Variants in SMG9 observed in about 807,000 individuals in gnomAD.
SMG9 encodes the protein SMG9 nonsense mediated mRNA decay factor.
A neutral mutation model predicts 64.0 loss-of-function variants in SMG9; 55 were observed. That is an observed-to-expected ratio of 0.86 (90% CI 0.69 to 1.08). SMG9 has a LOEUF of 1.08. SMG9 is among the 50% of genes least tolerant of loss of function. The probability of loss-of-function intolerance (pLI) is 0.00; values close to 1 mark genes in which losing one functional copy is unlikely to be tolerated. For missense variants in SMG9, 554 were observed against 681.3 expected (o/e 0.81, Z 2.08); for synonymous variants, 244 against 254.8 (o/e 0.96, Z 0.41).
chr19:43,740,063 T>A, intron 7 of SMG9, 44 bp downstream of exon 7: 1 of 1,285,452 alleles, frequency 7.8e-7, no homozygotes, highest in Non-Finnish European at 1.1e-6. Context: ...AGAGGCTCAA[T>A]GCAGGATGTG....
rs1968374075 is a variant in SMG9, at chr19:43,728,572, A to C, written c.*3024T>G. 1 of 152,092 alleles carries C rather than the reference A, an allele frequency of 6.6e-6. No individual in the cohort carries two copies. The highest frequency in any genetic ancestry group is 1.5e-5 in the Non-Finnish European group (1 of 67,990). The allele number at this position is 152,092 out of a possible 1,614,324, so 9.4% of individuals were successfully genotyped here. On this transcript the variant is annotated 3_prime_UTR_variant, in exon 14 of 14. Coordinates refer to ENST00000270066, the MANE Select transcript of SMG9 (RefSeq NM_019108.4). The stretch of plus-strand genomic sequence containing the variant: ...TATGAACTCAATTAATCACCACAAC[A>C]CCCCTAGGAGGTAGGTACAATCATC...
At chr19:43,737,061 G>A (rs1968693482) in intron 9 of SMG9, among the ~76,000 whole-genome samples, 1 of 152,146 alleles carries the variant, frequency 6.6e-6, no homozygotes, top group Non-Finnish European at 1.5e-5. Context: ...ATCACCTGAG[G>A]TCAGGAGTTC....
chr19:43,731,782 A>C, intron 13 of SMG9, 108 bp from the exon 14 acceptor site: 5 of 1,327,352 alleles, frequency 3.8e-6, no homozygotes, highest in Non-Finnish European at 5.3e-6. Context: ...CTGAGATGTG[A>C]CTCTGAGCCT....
At chr19:43,745,002 A>C in intron 5 of SMG9, 118 bp from the exon 6 acceptor site, 1 of 635,738 alleles carries the variant, frequency 1.6e-6, no homozygotes, top group Non-Finnish European at 2.8e-6. Flanking sequence ...ATGAAGAGAA[A>C]CTCCTATAGT....
rs1969304952 is a variant in SMG9, at chr19:43,754,793, T to C, written c.-146A>G. 6.6e-6 allele frequency: 1 copy of C among 151,342 alleles called. No individual in the cohort carries two copies. The highest frequency in any genetic ancestry group is 2.4e-5 in the African/African-American group (1 of 41,088). The allele number at this position is 151,342 out of a possible 1,614,324, so 9.4% of individuals were successfully genotyped here. A position where few individuals can be genotyped will look rare whatever the true frequency, so the allele number is the denominator to read the frequency against. On this transcript the variant is annotated 5_prime_UTR_variant, in exon 1 of 14. Coordinates refer to ENST00000270066, the MANE Select transcript of SMG9 (RefSeq NM_019108.4). ...CCAGGAACGTGGGAAGGAGAGAAAA[T>C]GGGCACTCCCCACTCCGAAACCGGC...
At chr19:43,753,349 T>C (rs972188936) in intron 1 of SMG9, among the ~76,000 whole-genome samples, 1 of 152,216 alleles carries the variant, frequency 6.6e-6, no homozygotes, top group African/African-American at 2.4e-5. Flanking sequence ...GCTTAAGTAC[T>C]TGTCTTCATG....
At chr19:43,752,441 T>G (rs1468998222) in intron 1 of SMG9, among the ~76,000 whole-genome samples, 1 of 152,274 alleles carries the variant, frequency 6.6e-6, no homozygotes, top group African/African-American at 2.4e-5. Context: ...GGGCCAAATC[T>G]GGTCTGCTTT....
chr19:43,752,076 C>T (rs561954823), intron 1 of SMG9, among the ~76,000 whole-genome samples: 2 of 152,312 alleles, frequency 1.3e-5, no homozygotes, highest in South Asian at 4.1e-4. Flanking sequence ...GGGGCTCCAG[C>T]CACTTACTAG....
intron 9 of SMG9, 29 bp downstream of exon 9, chr19:43,737,568 C>T (rs1327166849): frequency 6.3e-7 from 1 of 1,597,760 alleles, no homozygotes; most frequent in East Asian, 2.2e-5. Flanking sequence ...CATTCCTCCT[C>T]CCCACCCTCC....
chr19:43,748,674 AC>A (rs1568381762), intron 2 of SMG9: 1 of 520,054 alleles, frequency 1.9e-6, no homozygotes, highest in East Asian at 5.4e-5. Context: ...TGCCTCCCCA[AC>A]TTACCCTCAG....
chr19:43,728,863 G>A lies in SMG9; in HGVS notation c.*2733C>T. ...GAGAAGGATACCAATGTATTCCTGT[G>A]TCTGAATTGAAAAGCGTGAGTTCCA... On this transcript the variant is annotated 3_prime_UTR_variant, in exon 14 of 14. Coordinates refer to ENST00000270066, the MANE Select transcript of SMG9 (RefSeq NM_019108.4). 5.3e-6 allele frequency: 2 copies of A among 377,272 alleles called. No individual in the cohort carries two copies. Among genetic ancestry groups the A allele is most frequent in the Non-Finnish European group, 7.3e-6 (2 of 273,952 alleles). The allele number at this position is 377,272 out of a possible 1,614,324, so 23.4% of individuals were successfully genotyped here.
chr19:43,735,547 G>A lies in SMG9; in HGVS notation c.996-1052C>T, dbSNP rs144610981. Among the ~76,000 whole-genome samples the A allele has an allele frequency of 2.5e-3, 379 of 149,388 alleles. 2 individuals carry two copies. Among genetic ancestry groups the A allele is most frequent in the African/African-American group, 9.2e-3 (368 of 39,880 alleles). ...GCAGAAGCACTTGAACCTAGGAGGC[G>A]GAGGTTGCAGTGAGCCGAGATTGTG... is the stretch of plus-strand genomic sequence containing the variant. On this transcript the variant is annotated intron_variant, in intron 9 of 13. Transcript: ENST00000270066.
At chr19:43,736,570 C>A (rs779791744) in intron 9 of SMG9, among the ~76,000 whole-genome samples, 16 of 152,210 alleles carry the variant, frequency 1.1e-4, no homozygotes, top group Non-Finnish European at 2.1e-4. Context: ...AACAGGAGGG[C>A]ACACGAGCCT....
rs550715708 is a variant in SMG9, at chr19:43,743,727, T to A, written c.701+1045A>T. Among the ~76,000 whole-genome samples, 8 of 152,170 alleles carry A rather than the reference T, an allele frequency of 5.3e-5. No homozygotes were observed. In the East Asian group the frequency reaches 1.5e-3, roughly 29 times the overall value. On this transcript the variant is annotated intron_variant, in intron 6 of 13. Transcript: ENST00000270066. ...GGGAAGATCACTTGAGCCTGGGAGG[T>A]AGAGGATGCAGTGGGCTATGATCGT...
chr19:43,747,443 T>TC lies in SMG9; in HGVS notation c.586dup (p.Glu196GlyfsTer8). The TC allele has an allele frequency of 6.2e-7, 1 of 1,613,196 alleles. No individual in the cohort carries two copies. The highest frequency in any genetic ancestry group is 8.5e-7 in the Non-Finnish European group (1 of 1,180,000). On this transcript the variant is annotated frameshift_variant and splice_region_variant, in exon 5 of 14. Coordinates refer to ENST00000270066, the MANE Select transcript of SMG9 (RefSeq NM_019108.4). LOFTEE classifies it high-confidence loss of function. ...AGGCAGGGCAGGACCCCTCGGTACC[T>TC]CGATGGCACTGTCACACCAATTCAT...
chr19:43,752,780 CCTGTAGTCCCAG>C (rs1468097633), intron 1 of SMG9, among the ~76,000 whole-genome samples: 1 of 151,738 alleles, frequency 6.6e-6, no homozygotes, highest in Non-Finnish European at 1.5e-5. Context: ...GTGACATGCA[CCTGTAGTCCCAG>C]CTACTTGGGA....
rs759730335 is a variant in SMG9 at position 43,731,609 on chromosome 19, C to T, written c.1550G>A (p.Arg517His). Residue 517 changes from arginine (R) to histidine (H), a missense_variant, in exon 14 of 14, where the codon CGC becomes CAC. Coordinates refer to ENST00000270066, the MANE Select transcript of SMG9 (RefSeq NM_019108.4). Reference protein sequence around the residue: ...RKSSALAEYSRLLA With the variant: ...RKSSALAEYSHLLA ...CTCTCCTTGGCCTCAGGCCAGCAGG[C>T]GGCTGTACTCTGCCAGAGCAGAGGA... The T allele has an allele frequency of 2.8e-5, 46 of 1,614,142 alleles. No individual in the cohort carries two copies. The highest frequency in any genetic ancestry group is 3.5e-5 in the Non-Finnish European group (41 of 1,180,060).
Position 43,737,591 on chromosome 19 carries a change from C to A in SMG9, c.995+6G>T, listed in dbSNP as rs1380839141. On this transcript the variant is annotated splice_donor_region_variant and intron_variant, in intron 9 of 13. Coordinates refer to ENST00000270066, the MANE Select transcript of SMG9 (RefSeq NM_019108.4). Reference sequence around the variant, plus strand: ...CTCCCCACCCTCCAACCCCTCAGCTCCTCACCTGTAGAGACTGAGGTCTGT... The same window carrying A: ...CTCCCCACCCTCCAACCCCTCAGCTACTCACCTGTAGAGACTGAGGTCTGT... 6.2e-7 allele frequency: 1 copy of A among 1,612,406 alleles called. No homozygotes were observed. Among genetic ancestry groups the A allele is most frequent in the Non-Finnish European group, 8.5e-7 (1 of 1,179,074 alleles).
At chr19:43,743,492 ATG>A in intron 6 of SMG9, among the ~76,000 whole-genome samples, 2 of 152,256 alleles carry the variant, frequency 1.3e-5, no homozygotes, top group Middle Eastern at 6.8e-3. Context: ...CTGACTGCAA[ATG>A]TGTGTAAAAT....
Sources: gnomAD v4.1 joint callset for allele counts (sites outside exome capture counted in the v4.1 genomes callset) on GRCh38, gnomAD v4.1.1 for gene constraint, MANE v1.5 for transcripts, NCBI Gene and HGNC (gene_info 2026-07-23, HGNC 2026-07-21) for gene names.